Variants in CSF2RA observed in about 807,000 individuals in gnomAD.
CSF2RA encodes the protein colony stimulating factor 2 receptor subunit alpha.
In CSF2RA, 42 loss-of-function variants were observed where a neutral mutation model predicts 51.6. That is an observed-to-expected ratio of 0.81 (90% CI 0.64 to 1.05). The LOEUF (loss-of-function observed/expected upper bound fraction) is 1.05. Among genes scored for constraint, CSF2RA ranks in the 50% least tolerant of loss-of-function variants. CSF2RA has a pLI of 0.00. For missense variants in CSF2RA, 530 were observed against 501.1 expected (o/e 1.06, Z -0.55); for synonymous variants, 222 against 193.0 (o/e 1.15, Z -1.24).
At chrX:1,305,762 G>A (rs2083501239) in intron 12 of CSF2RA, 1 of 1,551,560 alleles carries the variant, frequency 6.4e-7, no homozygotes, top group Non-Finnish European at 8.7e-7. Flanking sequence ...CTGAGGCAGG[G>A]TGGTGGTCAA....
chrX:1,316,283 TAGA>T, the CSF2RA span, among the ~76,000 whole-genome samples: 1 of 147,278 alleles, frequency 6.8e-6, no homozygotes, highest in Non-Finnish European at 1.5e-5. Context: ...GATAGATAGA[TAGA>T]TAGATAGATA....
downstream of CSF2RA, among the ~76,000 whole-genome samples, chrX:1,314,886 A>ACC (rs2084473560): frequency 1.6e-4 from 12 of 74,012 alleles, 2 homozygotes; most frequent in South Asian, 1.8e-3. Flanking sequence ...CACCTGCCCA[A>ACC]CCACACTGAA....
chrX:1,294,526 G>T (rs2091731032), intron 8 of CSF2RA, 65 bp downstream of exon 8: 2 of 1,604,998 alleles, frequency 1.2e-6, no homozygotes, highest in Middle Eastern at 1.9e-4. Flanking sequence ...CCGCACAGGA[G>T]CCTGGGAATC....
At chrX:1,299,749 C>A (rs2092246543) in intron 9 of CSF2RA, among the ~76,000 whole-genome samples, 1 of 152,102 alleles carries the variant, frequency 6.6e-6, no homozygotes, top group Non-Finnish European at 1.5e-5. Context: ...GAAACCCCAT[C>A]TCTACTAAAA....
rs748211088 is a variant in CSF2RA at position 1,294,294 on chromosome X, G to A, written c.647-34G>A. On this transcript the variant is annotated intron_variant, in intron 7 of 12. Transcript: ENST00000381529. Reference sequence around the variant, plus strand: ...GGACCCAGTGTAGACAGGACCTCTCGGGTTCAGGGGTGTGTCCTGCGCCCT... The same window carrying A: ...GGACCCAGTGTAGACAGGACCTCTCAGGTTCAGGGGTGTGTCCTGCGCCCT... 8.7e-6 allele frequency: 14 copies of A among 1,611,958 alleles called. No individual in the cohort carries two copies. The East Asian group carries it at 8.9e-5, about 10-fold the overall frequency.
chrX:1,290,554 G>A (rs1185750697), intron 7 of CSF2RA, 45 bp downstream of exon 7: 21 of 1,590,782 alleles, frequency 1.3e-5, no homozygotes, highest in Non-Finnish European at 1.7e-5. Context: ...TAGGTGAAAT[G>A]GAATTTGCCT....
At chrX:1,278,985 C>T (rs58459947) in intron 2 of CSF2RA, among the ~76,000 whole-genome samples, 41,101 of 150,754 alleles carry the variant, frequency 0.27, 5,936 homozygotes, top group East Asian at 0.39. Context: ...TGCAGTGAGC[C>T]GAGATGGCGC....
intron 2 of CSF2RA, among the ~76,000 whole-genome samples, chrX:1,278,759 T>A (rs28868362): frequency 1.4e-5 from 2 of 145,210 alleles, no homozygotes; most frequent in African/African-American, 5.2e-5. Context: ...ATCCAGAGGC[T>A]GGGTGCAGTG....
downstream of CSF2RA, among the ~76,000 whole-genome samples, chrX:1,313,905 C>T (rs187467112): frequency 6.1e-3 from 932 of 152,076 alleles, 2 homozygotes; most frequent in African/African-American, 0.02. Context: ...GCAGGAGAAC[C>T]GCTTGAACCT....
chrX:1,282,792 AC>A lies in CSF2RA; in HGVS notation c.76+15del. On this transcript the variant is annotated intron_variant, in intron 3 of 12. Transcript: ENST00000381529. ...CCAGAGAAATCGGGTAAGTATGGAAACCTGGCTGAACCTTCTCCGCGGCCCC... is the reference window on the plus strand; with the variant it reads ...CCAGAGAAATCGGGTAAGTATGGAAACTGGCTGAACCTTCTCCGCGGCCCC... The A allele has an allele frequency of 6.2e-7, 1 of 1,607,096 alleles. No individual in the cohort carries two copies. Among genetic ancestry groups the A allele is most frequent in the Non-Finnish European group, 8.5e-7 (1 of 1,174,038 alleles).
At chrX:1,279,869 A>G (rs773532087) in intron 2 of CSF2RA, among the ~76,000 whole-genome samples, 107 of 151,594 alleles carry the variant, frequency 7.1e-4, no homozygotes, top group South Asian at 2.3e-3. Context: ...GGCTCACTGC[A>G]GCCTCCACCT....
chrX:1,319,066 G>A, the CSF2RA span, among the ~76,000 whole-genome samples: 2 of 146,854 alleles, frequency 1.4e-5, no homozygotes, highest in Admixed American at 1.4e-4. Flanking sequence ...CATGATCTCG[G>A]CTCACTACAA....
rs1330348312 is a variant in CSF2RA, at chrX:1,286,402, C to G, written c.219+482C>G. 9.9e-5 allele frequency among the ~76,000 whole-genome samples: 15 copies of G among 152,092 alleles called. No individual in the cohort carries two copies. The East Asian group carries it at 1.7e-3, about 18-fold the overall frequency. On this transcript the variant is annotated intron_variant, in intron 4 of 12. Transcript: ENST00000381529. Reference sequence around the variant, plus strand: ...TGACCAACATGGTGAAACCCCATCTCTACTAAAAATACAAAAATTAGTCGG... The same window carrying G: ...TGACCAACATGGTGAAACCCCATCTGTACTAAAAATACAAAAATTAGTCGG...
At chrX:1,303,649 G>T (rs1487462743) in intron 10 of CSF2RA, among the ~76,000 whole-genome samples, 1 of 152,154 alleles carries the variant, frequency 6.6e-6, no homozygotes, top group African/African-American at 2.4e-5. Context: ...GTGCTGGGAT[G>T]ACAGGCGTGA....
chrX:1,317,263 T>A, the CSF2RA span, among the ~76,000 whole-genome samples: 1 of 137,212 alleles, frequency 7.3e-6, no homozygotes. Context: ...TTTTTTTTTT[T>A]TTTTTGAGAC....
chrX:1,305,566 G>A lies in CSF2RA; in HGVS notation c.1125+39G>A, dbSNP rs1316368565. On this transcript the variant is annotated intron_variant, in intron 12 of 12. Transcript: ENST00000381529. ...GGCGGAGCAGTGACCTGGGATGGAA[G>A]GTGGGGAGTGGGGAGCGTGGGACAC... 2.5e-6 allele frequency: 4 copies of A among 1,613,856 alleles called. No homozygotes were observed. In the African/African-American group the frequency reaches 5.3e-5, roughly 22 times the overall value.
chrX:1,296,106 C>A (rs774300226), intron 9 of CSF2RA, among the ~76,000 whole-genome samples: 1 of 151,334 alleles, frequency 6.6e-6, no homozygotes, highest in African/African-American at 2.4e-5. Context: ...CCCCTACTCA[C>A]CACACCTAGC....
chrX:1,271,959 CT>C (rs1187844662), intron 1 of CSF2RA, among the ~76,000 whole-genome samples: 145 of 141,088 alleles, frequency 1.0e-3, no homozygotes, highest in South Asian at 1.6e-3. Flanking sequence ...CTTTTTTTTT[CT>C]TTTTTTTTTT....
At chrX:1,320,682 T>G in the CSF2RA span, among the ~76,000 whole-genome samples, 1 of 148,866 alleles carries the variant, frequency 6.7e-6, no homozygotes, top group Non-Finnish European at 1.5e-5. Context: ...TTTTTTTTTT[T>G]TTTGTATTTT....
Sources: gnomAD v4.1 joint callset for allele counts (sites outside exome capture counted in the v4.1 genomes callset) on GRCh38, gnomAD v4.1.1 for gene constraint, MANE v1.5 for transcripts, NCBI Gene and HGNC (gene_info 2026-07-23, HGNC 2026-07-21) for gene names.